The following NSMCE2 variants were observed in gnomAD, a reference collection of about 807,000 sequenced individuals.
The protein encoded by NSMCE2 is E3 SUMO-protein ligase NSE2.
In NSMCE2, 24 loss-of-function variants were observed where a neutral mutation model predicts 23.8. That is an observed-to-expected ratio of 1.01 (90% confidence interval 0.73 to 1.42). The LOEUF (loss-of-function observed/expected upper bound fraction) is 1.42. Ranked by LOEUF, NSMCE2 falls within the 40% of genes most tolerant of loss-of-function variation. The pLI is 0.00. For synonymous variants in NSMCE2, 92 were observed against 94.1 expected (o/e 0.98, Z 0.13); for missense variants, 284 against 296.5 (o/e 0.96, Z 0.31).
intron 3 of NSMCE2, among the ~76,000 whole-genome samples, chr8:125,144,362 C>G (rs1418485389): frequency 2.6e-5 from 4 of 152,210 alleles, no homozygotes; most frequent in African/African-American, 9.6e-5. Context: ...GTTAGCCATG[C>G]CCACCTGGAT....
rs551705566 is a variant in NSMCE2, at chr8:125,194,949, C to T, written c.418+12693C>T. Among the ~76,000 whole-genome samples, 7 of 152,046 alleles carry T rather than the reference C, an allele frequency of 4.6e-5. No individual in the cohort carries two copies. In the East Asian group the frequency reaches 1.4e-3, roughly 29 times the overall value. On this transcript the variant is annotated intron_variant, in intron 5 of 7. Coordinates refer to ENST00000287437, the MANE Select transcript of NSMCE2 (RefSeq NM_173685.4). The stretch of plus-strand genomic sequence containing the variant: ...TATCTTCTACATTTATTCTTTAATT[C>T]ATTCCAGAAACACTATAGGTGACCT...
At chr8:125,252,684 A>C (rs1826247607) in intron 5 of NSMCE2, among the ~76,000 whole-genome samples, 1 of 152,274 alleles carries the variant, frequency 6.6e-6, no homozygotes, top group Admixed American at 6.5e-5. Flanking sequence ...TAACTGAAGG[A>C]ATATTTTAAT....
At chr8:125,128,031 G>C (rs1206997085) in intron 3 of NSMCE2, among the ~76,000 whole-genome samples, 1 of 152,098 alleles carries the variant, frequency 6.6e-6, no homozygotes, top group African/African-American at 2.4e-5. Flanking sequence ...TTTTGAATTG[G>C]GGATGCTCAC....
In NSMCE2 at chr8:125,201,324, T is replaced by C. The variant is rs1462620027; in HGVS notation, c.418+19068T>C. Among the ~76,000 whole-genome samples the C allele has an allele frequency of 2.0e-5, 3 of 152,228 alleles. No homozygotes were observed. The East Asian group carries it at 5.8e-4, about 29-fold the overall frequency. On this transcript the variant is annotated intron_variant, in intron 5 of 7. Transcript: ENST00000287437. Reference sequence around the variant, plus strand: ...TTTTTGGTTTTATCTACCTTTGGTCTTTGATGTTGGTGACCTACAGATGGG... The same window carrying C: ...TTTTTGGTTTTATCTACCTTTGGTCCTTGATGTTGGTGACCTACAGATGGG...
chr8:125,122,172 CA>C (rs796879544), intron 3 of NSMCE2, among the ~76,000 whole-genome samples: 3,028 of 46,018 alleles, frequency 0.066, 41 homozygotes, highest in Admixed American at 0.14. Flanking sequence ...CTGGCTGAGC[CA>C]AAAAAAAAAA....
chr8:125,280,835 G>C (rs867536361), intron 5 of NSMCE2, among the ~76,000 whole-genome samples: 4 of 152,268 alleles, frequency 2.6e-5, no homozygotes, highest in South Asian at 2.1e-4. Flanking sequence ...TTTGGTAAGG[G>C]AAATCTCATT....
At chr8:125,141,645 TCTC>T (rs1225279048) in intron 3 of NSMCE2, among the ~76,000 whole-genome samples, 1 of 152,200 alleles carries the variant, frequency 6.6e-6, no homozygotes, top group Admixed American at 6.5e-5. Flanking sequence ...TCTATGTCCT[TCTC>T]CTCTCTTCAT....
chr8:125,122,446 C>A (rs1232382066), intron 3 of NSMCE2, among the ~76,000 whole-genome samples: 1 of 152,178 alleles, frequency 6.6e-6, no homozygotes, highest in African/African-American at 2.4e-5. Context: ...CATGATGTCA[C>A]TGGCTATATC....
At chr8:125,092,373 T>C (rs1217439282) in intron 1 of NSMCE2, among the ~76,000 whole-genome samples, 1 of 152,222 alleles carries the variant, frequency 6.6e-6, no homozygotes, top group African/African-American at 2.4e-5. Context: ...ATGTCTGTTG[T>C]TATTTTTGTA....
At chr8:125,169,895 C>G (rs1373768558) in intron 4 of NSMCE2, among the ~76,000 whole-genome samples, 1 of 152,020 alleles carries the variant, frequency 6.6e-6, no homozygotes, top group South Asian at 2.1e-4. Context: ...TCTCTTGCCT[C>G]TGGCCTTAGC....
At chr8:125,130,666 A>C (rs898911083) in intron 3 of NSMCE2, among the ~76,000 whole-genome samples, 1 of 152,176 alleles carries the variant, frequency 6.6e-6, no homozygotes, top group African/African-American at 2.4e-5. Flanking sequence ...AGAGCTAGGA[A>C]ATATGTGTAT....
chr8:125,252,439 T>C (rs1017382138), intron 5 of NSMCE2, among the ~76,000 whole-genome samples: 1 of 152,096 alleles, frequency 6.6e-6, no homozygotes, highest in African/African-American at 2.4e-5. Flanking sequence ...GACAGGAGAA[T>C]GGCGTGAACC....
chr8:125,271,905 G>A (rs1011713855), intron 5 of NSMCE2, among the ~76,000 whole-genome samples: 1 of 152,092 alleles, frequency 6.6e-6, no homozygotes, highest in African/African-American at 2.4e-5. Context: ...TTTATAGGTG[G>A]GGATTATTGC....
intron 5 of NSMCE2, among the ~76,000 whole-genome samples, chr8:125,261,891 G>A (rs1346443610): frequency 6.6e-6 from 1 of 151,574 alleles, no homozygotes; most frequent in Non-Finnish European, 1.5e-5. Flanking sequence ...GAGGTCAGGA[G>A]TTCAAGACCG....
At chr8:125,336,081 G>T (rs1830055666) in intron 5 of NSMCE2, among the ~76,000 whole-genome samples, 1 of 152,026 alleles carries the variant, frequency 6.6e-6, no homozygotes, top group South Asian at 2.1e-4. Flanking sequence ...AGTTAAGCCT[G>T]ACAGGACCCC....
At chr8:125,346,404 G>A (rs1033694200) in intron 5 of NSMCE2, among the ~76,000 whole-genome samples, 1 of 152,170 alleles carries the variant, frequency 6.6e-6, no homozygotes, top group African/African-American at 2.4e-5. Flanking sequence ...CTGCACAGGT[G>A]GTACTTACAA....
At chr8:125,310,047 G>A (rs1042418261) in intron 5 of NSMCE2, among the ~76,000 whole-genome samples, 1 of 152,168 alleles carries the variant, frequency 6.6e-6, no homozygotes, top group Non-Finnish European at 1.5e-5. Context: ...GGTAAACAGA[G>A]ACACTGAAGC....
intron 3 of NSMCE2, among the ~76,000 whole-genome samples, chr8:125,120,611 C>A (rs868593063): frequency 5.3e-5 from 8 of 152,286 alleles, no homozygotes; most frequent in South Asian, 2.1e-4. Flanking sequence ...CTGTTAACTT[C>A]AGCAGCCAGA....
chr8:125,357,428 G>A (rs1813329751), intron 6 of NSMCE2, 109 bp downstream of exon 6: 1 of 782,638 alleles, frequency 1.3e-6, no homozygotes, highest in African/African-American at 1.7e-5. Context: ...TAAGGAGGGA[G>A]TAAAGAAAAG....
Sources: gnomAD v4.1 joint callset for allele counts (sites outside exome capture counted in the v4.1 genomes callset) on GRCh38, gnomAD v4.1.1 for gene constraint, MANE v1.5 for transcripts, NCBI Gene and HGNC (gene_info 2026-07-23, HGNC 2026-07-21) for gene names.